DGKB: variants seen among roughly 807,000 people sequenced by gnomAD.
DGKB encodes diacylglycerol kinase beta, also known as 90 kDa diacylglycerol kinase.
A neutral mutation model predicts 114.3 loss-of-function variants in DGKB; 67 were observed. The observed-to-expected ratio is 0.59, with a 90% CI of 0.48 to 0.72. The LOEUF is 0.72. Ranked by LOEUF, DGKB falls within the 30% of genes least tolerant of loss-of-function variation. The pLI, the probability that DGKB is intolerant of heterozygous loss-of-function variation, is 0.00. For missense variants in DGKB, 907 were observed against 975.2 expected (o/e 0.93, Z 0.93); for synonymous variants, 398 against 323.1 (o/e 1.23, Z -2.49).
At chr7:14,392,734 A>C (rs1429142356) in intron 21 of DGKB, among the ~76,000 whole-genome samples, 1 of 152,180 alleles carries the variant, frequency 6.6e-6, no homozygotes, top group East Asian at 1.9e-4. Context: ...CCTATTGGAA[A>C]TTCCAAATCC....
At chr7:14,620,642 A>G (rs1028325564) in intron 15 of DGKB, among the ~76,000 whole-genome samples, 44 of 151,932 alleles carry the variant, frequency 2.9e-4, no homozygotes, top group Admixed American at 9.9e-4. Context: ...TAAATCCACA[A>G]TTTCATAAAT....
At chr7:14,733,301 T>G (rs181143368) in intron 5 of DGKB, among the ~76,000 whole-genome samples, 1 of 152,310 alleles carries the variant, frequency 6.6e-6, no homozygotes, top group African/African-American at 2.4e-5. Context: ...TCACCATACA[T>G]CTTAAAGGGC....
chr7:14,308,975 G>A (rs1435138227), intron 23 of DGKB, among the ~76,000 whole-genome samples: 1 of 152,176 alleles, frequency 6.6e-6, no homozygotes. Context: ...CAGCACTTTG[G>A]AAGGCTGAGG....
At chr7:14,866,799 A>T (rs1851767878) in intron 1 of DGKB, among the ~76,000 whole-genome samples, 1 of 152,130 alleles carries the variant, frequency 6.6e-6, no homozygotes, top group African/African-American at 2.4e-5. Context: ...TTTCGTAGAA[A>T]CCACCAAACT....
At position 14,769,123 on chromosome 7, in the gene DGKB, A is replaced by AAGAAAGAAAGAG. The variant is rs1165314403; in HGVS notation, c.71-11393_71-11392insCTCTTTCTTTCT. On this transcript the variant is annotated intron_variant, in intron 2 of 25. Coordinates refer to ENST00000402815, the MANE Select transcript of DGKB (RefSeq NM_001350709.2). The stretch of plus-strand genomic sequence containing the variant: ...AAAGAAAGAAAGAAAGAAAGAAAGA[A>AAGAAAGAAAGAG]AGAGAGAGAGAGAAAGAAAGAAAGA... 1.4e-3 allele frequency among the ~76,000 whole-genome samples: 129 copies of AAGAAAGAAAGAG among 89,142 alleles called. 1 individual carries two copies. The highest frequency in any genetic ancestry group is 4.7e-3 in the East Asian group (12 of 2,572). The allele number at this position is 89,142 out of a possible 152,430, so 58.5% of individuals were successfully genotyped here. A position where few individuals can be genotyped will look rare whatever the true frequency, so the allele number is the denominator to read the frequency against.
chr7:14,536,539 T>C (rs1294333009), intron 20 of DGKB, among the ~76,000 whole-genome samples: 2 of 152,114 alleles, frequency 1.3e-5, no homozygotes, highest in Non-Finnish European at 2.9e-5. Context: ...ATACATGACC[T>C]TAGCAAACAA....
intron 13 of DGKB, among the ~76,000 whole-genome samples, chr7:14,666,895 G>A (rs1464218795): frequency 6.6e-6 from 1 of 151,886 alleles, no homozygotes; most frequent in Non-Finnish European, 1.5e-5. Context: ...AAAGATACTG[G>A]ATGCCAATTG....
At chr7:14,569,694 T>C (rs1798093571) in intron 20 of DGKB, among the ~76,000 whole-genome samples, 1 of 152,154 alleles carries the variant, frequency 6.6e-6, no homozygotes, top group African/African-American at 2.4e-5. Flanking sequence ...TTTATTTCTC[T>C]CCTTATTGTT....
intron 8 of DGKB, among the ~76,000 whole-genome samples, chr7:14,697,427 G>C (rs1824149537): frequency 6.6e-6 from 1 of 152,104 alleles, no homozygotes; most frequent in Non-Finnish European, 1.5e-5. Flanking sequence ...GCATGGCATG[G>C]CCTTGGCAGT....
intron 20 of DGKB, among the ~76,000 whole-genome samples, chr7:14,496,776 A>C (rs1408573879): frequency 2.0e-5 from 3 of 151,862 alleles, no homozygotes; most frequent in Non-Finnish European, 4.4e-5. Context: ...CAGAGGATAA[A>C]TAAAGCTGCT....
At chr7:14,745,710 T>C (rs980812609) in intron 4 of DGKB, among the ~76,000 whole-genome samples, 1 of 152,194 alleles carries the variant, frequency 6.6e-6, no homozygotes, top group African/African-American at 2.4e-5. Flanking sequence ...GGTATTCAAT[T>C]TGTGAGGTGA....
chr7:14,767,518 G>C (rs188326761), intron 2 of DGKB, among the ~76,000 whole-genome samples: 26 of 151,950 alleles, frequency 1.7e-4, no homozygotes, highest in Middle Eastern at 3.4e-3. Context: ...CTTAAGCTAA[G>C]CTCCGGGGAT....
At chr7:14,571,884 C>T in intron 20 of DGKB, among the ~76,000 whole-genome samples, 1 of 152,132 alleles carries the variant, frequency 6.6e-6, no homozygotes, top group African/African-American at 2.4e-5. Context: ...GAAAGAAAGG[C>T]TCCACAGGTA....
chr7:14,874,578 T>TATAC (rs1852977433), intron 1 of DGKB, among the ~76,000 whole-genome samples: 1 of 151,984 alleles, frequency 6.6e-6, no homozygotes, highest in African/African-American at 2.4e-5. Flanking sequence ...TTTCTATATA[T>TATAC]AGAAGGATAT....
intron 13 of DGKB, among the ~76,000 whole-genome samples, chr7:14,661,556 C>G (rs1817082625): frequency 6.6e-6 from 1 of 151,408 alleles, no homozygotes; most frequent in Non-Finnish European, 1.5e-5. Flanking sequence ...CAGGAAACAA[C>G]AGGTGCTGGA....
intron 1 of DGKB, among the ~76,000 whole-genome samples, chr7:14,965,123 T>C (rs181891764): frequency 1.1e-3 from 162 of 152,244 alleles, no homozygotes; most frequent in African/African-American, 3.8e-3. Flanking sequence ...TGGAAGAGAA[T>C]ACATTTTATT....
chr7:14,533,118 T>C (rs1023585535), intron 20 of DGKB, among the ~76,000 whole-genome samples: 1 of 151,798 alleles, frequency 6.6e-6, no homozygotes, highest in Admixed American at 6.6e-5. Flanking sequence ...AGAACACAGA[T>C]AGACAACTAA....
rs145967465 is a variant in DGKB, at chr7:14,376,897, T to C, written c.1836-31506A>G. Among the ~76,000 whole-genome samples the C allele has an allele frequency of 5.4e-4, 83 of 152,316 alleles. 1 individual carries two copies. The highest frequency in any genetic ancestry group is 1.9e-3 in the African/African-American group (77 of 41,570). On this transcript the variant is annotated intron_variant, in intron 21 of 25. Coordinates refer to ENST00000402815, the MANE Select transcript of DGKB (RefSeq NM_001350709.2). ...AAGGACCCAACTTGAAAGGGAAATT[T>C]TGCTGACAGTGAGAGTTTGAGTTTC...
chr7:14,531,971 CAA>C (rs58996974), intron 20 of DGKB, among the ~76,000 whole-genome samples: 1 of 144,522 alleles, frequency 6.9e-6, no homozygotes, highest in Non-Finnish European at 1.5e-5. Flanking sequence ...TACCAATATG[CAA>C]AAAAAAAATG....
Sources: gnomAD v4.1 joint callset for allele counts (sites outside exome capture counted in the v4.1 genomes callset) on GRCh38, gnomAD v4.1.1 for gene constraint, MANE v1.5 for transcripts, NCBI Gene and HGNC (gene_info 2026-07-23, HGNC 2026-07-21) for gene names.